MON2: variants seen among roughly 807,000 people sequenced by gnomAD.
MON2 encodes the protein protein MON2 homolog.
MON2 carries 84 observed loss-of-function variants against 208.6 expected under a neutral mutation model. That is an observed-to-expected ratio of 0.40 (90% CI 0.34 to 0.48). The LOEUF is 0.48. MON2 is among the 20% of genes least tolerant of loss of function. MON2 has a pLI of 0.59. For missense variants in MON2, 1,611 were observed against 2,015.4 expected (o/e 0.80, Z 3.84); for synonymous variants, 660 against 694.0 (o/e 0.95, Z 0.77).
chr12:62,540,181 A>G (rs528537335), intron 19 of MON2, among the ~76,000 whole-genome samples: 1 of 152,280 alleles, frequency 6.6e-6, no homozygotes, highest in African/African-American at 2.4e-5. Flanking sequence ...CAATAAGCAC[A>G]GTAGGCTTAC....
intron 2 of MON2, among the ~76,000 whole-genome samples, chr12:62,488,972 A>G (rs2069952541): frequency 2.0e-5 from 3 of 152,154 alleles, no homozygotes; most frequent in Admixed American, 1.3e-4. Context: ...CACGTTCTGC[A>G]CATGTATCCG....
chr12:62,472,785 A>T (rs1377812846), intron 1 of MON2, among the ~76,000 whole-genome samples: 1 of 152,044 alleles, frequency 6.6e-6, no homozygotes, highest in Non-Finnish European at 1.5e-5. Context: ...CTTACTTGGG[A>T]TCTGTTTTGG....
intron 4 of MON2, among the ~76,000 whole-genome samples, chr12:62,496,385 G>A (rs557905118): frequency 6.6e-6 from 1 of 152,170 alleles, no homozygotes; most frequent in South Asian, 2.1e-4. Context: ...AATAATTGGG[G>A]ATGAGAAAAA....
At chr12:62,569,107 G>A (rs1252865711) in intron 29 of MON2, among the ~76,000 whole-genome samples, 1 of 152,106 alleles carries the variant, frequency 6.6e-6, no homozygotes, top group African/African-American at 2.4e-5. Flanking sequence ...AGCACATACT[G>A]TATACCACTT....
At chr12:62,539,547 A>G (rs982288488) in intron 19 of MON2, among the ~76,000 whole-genome samples, 4 of 151,712 alleles carry the variant, frequency 2.6e-5, no homozygotes, top group African/African-American at 7.3e-5. Flanking sequence ...GATTACAGGC[A>G]TGAGCCACCG....
intron 25 of MON2, 56 bp from the exon 26 acceptor site, chr12:62,560,434 GA>G (rs2074155640): frequency 1.3e-6 from 2 of 1,498,812 alleles, no homozygotes; most frequent in Admixed American, 2.2e-5. Context: ...TGTCTAATAT[GA>G]AGAGAAAATT....
At chr12:62,543,051 C>T (rs1321535003) in intron 19 of MON2, 46 bp from the exon 20 acceptor site, 4 of 1,046,292 alleles carry the variant, frequency 3.8e-6, no homozygotes, top group Non-Finnish European at 5.6e-6. Context: ...TCTAATTACT[C>T]AGAATTCTCC....
intron 11 of MON2, among the ~76,000 whole-genome samples, chr12:62,526,481 A>G (rs1391707701): frequency 6.6e-6 from 1 of 151,990 alleles, no homozygotes; most frequent in African/African-American, 2.4e-5. Flanking sequence ...CATTTCTCTC[A>G]TCTATACAAT....
chr12:62,566,208 C>G, intron 28 of MON2, 114 bp from the exon 29 acceptor site: 1 of 1,395,280 alleles, frequency 7.2e-7, no homozygotes, highest in Middle Eastern at 1.9e-4. Context: ...GTAATATAAT[C>G]TGACCTAAAA....
intron 7 of MON2, among the ~76,000 whole-genome samples, chr12:62,502,500 T>C (rs2070895034): frequency 6.6e-6 from 1 of 152,170 alleles, no homozygotes; most frequent in South Asian, 2.1e-4. Flanking sequence ...ACTTTTTTTT[T>C]AGTGCCTTAG....
At chr12:62,560,205 C>G (rs1034601792) in intron 25 of MON2, 1 of 251,260 alleles carries the variant, frequency 4.0e-6, no homozygotes, top group East Asian at 9.3e-5. Context: ...TTAGTGCACT[C>G]GTCACCTACC....
intron 22 of MON2, among the ~76,000 whole-genome samples, chr12:62,547,275 A>G (rs2073530179): frequency 6.6e-6 from 1 of 152,202 alleles, no homozygotes; most frequent in South Asian, 2.1e-4. Flanking sequence ...CTAAGTGGCT[A>G]CAGGCAATTT....
At chr12:62,479,800 T>C (rs1357045777) in intron 1 of MON2, among the ~76,000 whole-genome samples, 2 of 152,052 alleles carry the variant, frequency 1.3e-5, no homozygotes, top group African/African-American at 2.4e-5. Flanking sequence ...TTTGCATGAG[T>C]ATCAATTAAG....
At position 62,466,882 on chromosome 12, in the gene MON2, T is replaced by G; in HGVS notation, c.-326T>G. On this transcript the variant is annotated 5_prime_UTR_variant, in exon 1 of 35. Transcript: ENST00000393630. ...GGCCTGGGGAGCTGGCGCTGAAGCT[T>G]CTTGCCAGGTTGGCTGGTGACACCC... is the stretch of plus-strand genomic sequence containing the variant. 2 of 456,600 alleles carry G rather than the reference T, an allele frequency of 4.4e-6. No individual in the cohort carries two copies. Among genetic ancestry groups the G allele is most frequent in the South Asian group, 4.4e-5 (1 of 22,984 alleles). 28.3% of individuals were successfully genotyped at this position (456,600 alleles called of 1,614,324 possible).
In MON2 at chr12:62,595,010, T is replaced by C. The variant is rs2075494510; in HGVS notation, c.*2261T>C. The C allele has an allele frequency of 6.6e-6, 1 of 152,232 alleles. No homozygotes were observed. Among genetic ancestry groups the C allele is most frequent in the African/African-American group, 2.4e-5 (1 of 41,450 alleles). The allele number at this position is 152,232 out of a possible 1,614,324, so 9.4% of individuals were successfully genotyped here. On this transcript the variant is annotated 3_prime_UTR_variant, in exon 35 of 35. Coordinates refer to ENST00000393630, the MANE Select transcript of MON2 (RefSeq NM_015026.3). ...CTAGAAGAACTGGGGTGTGTGAAAG[T>C]ATTCGATGCCAGGAGATTCAAAAAG...
Position 62,561,022 on chromosome 12 carries a change from A to T in MON2, c.3941A>T (p.Asp1314Val), listed in dbSNP as rs375193969. 3.1e-6 allele frequency: 5 copies of T among 1,613,584 alleles called. No homozygotes were observed. Among genetic ancestry groups the T allele is most frequent in the Non-Finnish European group, 4.2e-6 (5 of 1,179,566 alleles). ...GCTATTTCAGTCCCAATAAGTTCAGATGCATCCCCTTTTATTCTTCCATCT... is the reference window on the plus strand; with the variant it reads ...GCTATTTCAGTCCCAATAAGTTCAGTTGCATCCCCTTTTATTCTTCCATCT... ...HSAISVPISS[D>V]ASPFILPSYT... The change falls in exon 26 of 35, where the codon GAT becomes GTT. Residue 1314 changes from aspartate to valine, a missense_variant. Asp to Val is a radical substitution (Grantham distance 152). Coordinates refer to ENST00000393630, the MANE Select transcript of MON2 (RefSeq NM_015026.3).
intron 7 of MON2, among the ~76,000 whole-genome samples, chr12:62,507,235 C>T (rs527682890): frequency 1.3e-5 from 2 of 152,144 alleles, no homozygotes; most frequent in African/African-American, 4.8e-5. Flanking sequence ...GAAATTTTCT[C>T]TCCTCAGCTA....
chr12:62,481,515 C>CAA (rs5798644), intron 1 of MON2, among the ~76,000 whole-genome samples: 26,803 of 109,778 alleles, frequency 0.24, 3,442 homozygotes, highest in Middle Eastern at 0.31. Context: ...GACTCCGTCT[C>CAA]AAAAAAAAAA....
chr12:62,544,928 G>A lies in MON2; in HGVS notation c.2497G>A (p.Glu833Lys), dbSNP rs779893628. 2.7e-5 allele frequency: 44 copies of A among 1,609,024 alleles called. No homozygotes were observed. Among genetic ancestry groups the A allele is most frequent in the South Asian group, 5.6e-5 (5 of 89,822 alleles). Residue 833 changes from glutamate to lysine, a missense_variant, in exon 21 of 35, where the codon GAA (glutamate) becomes AAA (lysine). Transcript: ENST00000393630. ...CCAGCATCCAAACTCTCGAATGAGAGAATGGGGAGCAGAAGCTTTAACTTC... is the reference window on the plus strand; with the variant it reads ...CCAGCATCCAAACTCTCGAATGAGAAAATGGGGAGCAGAAGCTTTAACTTC... ...VCQHPNSRMR[E>K]WGAEALTSLI...
Sources: allele counts gnomAD v4.1 joint callset (sites outside exome capture counted in the v4.1 genomes callset), GRCh38; gene constraint gnomAD v4.1.1; transcripts MANE v1.5; gene names NCBI Gene and HGNC (gene_info 2026-07-23, HGNC 2026-07-21).